The following MTUS2 variants were observed in gnomAD, a reference collection of about 807,000 sequenced individuals.
MTUS2 encodes microtubule associated scaffold protein 2.
Under a neutral mutation model 114.1 loss-of-function variants are expected in MTUS2, and 40 were observed. The ratio of observed to expected loss-of-function variants is 0.35; its 90% CI spans 0.27 to 0.46. The LOEUF (loss-of-function observed/expected upper bound fraction) is 0.46. Among genes scored for constraint, MTUS2 ranks in the 20% least tolerant of loss-of-function variants. MTUS2 has a pLI of 1.00. For missense variants in MTUS2, 1,679 were observed against 1,705.4 expected (o/e 0.98, Z 0.27); for synonymous variants, 688 against 672.0 (o/e 1.02, Z -0.37).
chr13:29,180,583 A>G (rs1429390677), intron 5 of MTUS2, among the ~76,000 whole-genome samples: 1 of 152,210 alleles, frequency 6.6e-6, no homozygotes, highest in African/African-American at 2.4e-5. Flanking sequence ...ATAAATCTAT[A>G]GCATGTGACA....
intron 2 of MTUS2, among the ~76,000 whole-genome samples, chr13:28,843,985 C>T (rs1875687478): frequency 2.6e-5 from 4 of 152,200 alleles, no homozygotes. Context: ...CTGTGATACT[C>T]ATATTATGTC....
intron 4 of MTUS2, among the ~76,000 whole-genome samples, chr13:29,072,712 A>G (rs891241766): frequency 2.6e-5 from 4 of 152,224 alleles, no homozygotes; most frequent in Non-Finnish European, 5.9e-5. Flanking sequence ...GTTTCTCCTG[A>G]AAATCACTGT....
chr13:29,419,016 C>CT (rs1875883300), intron 8 of MTUS2, among the ~76,000 whole-genome samples: 3 of 152,220 alleles, frequency 2.0e-5, no homozygotes, highest in Admixed American at 2.0e-4. Flanking sequence ...ATCAGAATCT[C>CT]TGTTTAGTGA....
intron 4 of MTUS2, among the ~76,000 whole-genome samples, chr13:29,038,170 A>G (rs1236872922): frequency 6.6e-6 from 1 of 151,942 alleles, no homozygotes; most frequent in Non-Finnish European, 1.5e-5. Context: ...TTGTTATTTG[A>G]TGTTGGTGAT....
intron 8 of MTUS2, among the ~76,000 whole-genome samples, chr13:29,378,331 T>C (rs937694941): frequency 6.6e-6 from 1 of 152,172 alleles, no homozygotes; most frequent in Non-Finnish European, 1.5e-5. Flanking sequence ...GTTGTTTTCT[T>C]ATTGTCCTTT....
chr13:29,026,979 A>C, intron 3 of MTUS2, 76 bp downstream of exon 3: 7 of 1,399,574 alleles, frequency 5.0e-6, no homozygotes, highest in Non-Finnish European at 6.7e-6. Flanking sequence ...ATGAGTTATG[A>C]AAGTAAAATG....
At chr13:28,980,039 T>C (rs918755794) in intron 2 of MTUS2, among the ~76,000 whole-genome samples, 2 of 152,214 alleles carry the variant, frequency 1.3e-5, no homozygotes, top group Admixed American at 6.5e-5. Context: ...AACTTTCTTA[T>C]GCTTAGGCCA....
intron 2 of MTUS2, among the ~76,000 whole-genome samples, chr13:28,903,387 A>G (rs970986168): frequency 2.0e-5 from 3 of 147,324 alleles, no homozygotes; most frequent in African/African-American, 7.4e-5. Flanking sequence ...AGCATTAGGT[A>G]TATCTCCTAA....
chr13:29,028,972 A>G lies in MTUS2; in HGVS notation c.2205+2069A>G, dbSNP rs557252167. ...TTAGATATATTGGCATATTTAAAGA[A>G]TGCATCAATCACAACAGAAGTTGTC... On this transcript the variant is annotated intron_variant, in intron 3 of 15. Coordinates refer to ENST00000612955, the MANE Select transcript of MTUS2 (RefSeq NM_001033602.4). Among the ~76,000 whole-genome samples the G allele has an allele frequency of 2.6e-5, 4 of 152,346 alleles. No homozygotes were observed. The East Asian group carries it at 7.7e-4, about 29-fold the overall frequency.
chr13:29,173,393 A>G (rs932884144), intron 5 of MTUS2, among the ~76,000 whole-genome samples: 1 of 152,184 alleles, frequency 6.6e-6, no homozygotes, highest in South Asian at 2.1e-4. Context: ...AATGTTAATG[A>G]TTTTAAGGAA....
At chr13:29,154,164 A>C (rs1411679798) in intron 5 of MTUS2, among the ~76,000 whole-genome samples, 1 of 152,230 alleles carries the variant, frequency 6.6e-6, no homozygotes, top group African/African-American at 2.4e-5. Flanking sequence ...ATGTTACTAC[A>C]TTTCATAGAT....
chr13:29,488,559 G>C (rs902720351), intron 11 of MTUS2, among the ~76,000 whole-genome samples: 3 of 150,058 alleles, frequency 2.0e-5, no homozygotes, highest in Admixed American at 1.3e-4. Flanking sequence ...TCCAGCCCCA[G>C]CTGGAGCCTC....
At chr13:29,187,869 CATA>C (rs1894288505) in intron 5 of MTUS2, among the ~76,000 whole-genome samples, 1 of 152,088 alleles carries the variant, frequency 6.6e-6, no homozygotes, top group Admixed American at 6.6e-5. Context: ...TGTCTTCATT[CATA>C]ATGTGTCCCT....
At chr13:29,297,369 A>G (rs371306214) in intron 6 of MTUS2, among the ~76,000 whole-genome samples, 2 of 152,210 alleles carry the variant, frequency 1.3e-5, no homozygotes, top group Admixed American at 6.5e-5. Flanking sequence ...TAAGAACTGT[A>G]TGCATCATGC....
chr13:28,963,089 T>C (rs573747316), intron 2 of MTUS2, among the ~76,000 whole-genome samples: 1 of 152,302 alleles, frequency 6.6e-6, no homozygotes, highest in East Asian at 1.9e-4. Context: ...CAGTGGCTCA[T>C]GCCTGTAATT....
Position 29,389,322 on chromosome 13 carries a change from T to C in MTUS2, c.3117+29849T>C, listed in dbSNP as rs1236256613. Among the ~76,000 whole-genome samples, 3 of 53,228 alleles carry C rather than the reference T, an allele frequency of 5.6e-5. 1 individual carries two copies. The highest frequency in any genetic ancestry group is 5.3e-4 in the East Asian group (1 of 1,878). The allele number at this position is 53,228 out of a possible 152,430, so 34.9% of individuals were successfully genotyped here. ...GTATATGTGTATATATGTATACACATATGTGTGTATATATGTATGCACGTG... is the reference window on the plus strand; with the variant it reads ...GTATATGTGTATATATGTATACACACATGTGTGTATATATGTATGCACGTG... On this transcript the variant is annotated intron_variant, in intron 8 of 15. Transcript: ENST00000612955.
At chr13:29,121,979 A>G (rs191334829) in intron 5 of MTUS2, among the ~76,000 whole-genome samples, 43 of 151,610 alleles carry the variant, frequency 2.8e-4, no homozygotes, top group Non-Finnish European at 2.7e-4. Context: ...ACTTCTAAAA[A>G]CCTCACTTCT....
chr13:29,289,041 C>T (rs1898601162), intron 6 of MTUS2, among the ~76,000 whole-genome samples: 1 of 152,182 alleles, frequency 6.6e-6, no homozygotes, highest in African/African-American at 2.4e-5. Context: ...TAAGTGTTCT[C>T]CTATTTTTGT....
chr13:28,949,679 G>C (rs112554099), intron 2 of MTUS2, among the ~76,000 whole-genome samples: 1 of 152,064 alleles, frequency 6.6e-6, no homozygotes, highest in African/African-American at 2.4e-5. Context: ...TGACTGCTCT[G>C]GTACCTTATG....
Sources: allele counts gnomAD v4.1 joint callset (sites outside exome capture counted in the v4.1 genomes callset), GRCh38; gene constraint gnomAD v4.1.1; transcripts MANE v1.5; gene names NCBI Gene and HGNC (gene_info 2026-07-23, HGNC 2026-07-21).